The following PAPSS1 variants were observed in gnomAD, a reference collection of about 807,000 sequenced individuals.
PAPSS1 encodes the protein 3'-phosphoadenosine 5'-phosphosulfate synthase 1, also known as bifunctional 3'-phosphoadenosine 5'-phosphosulfate synthase 1.
In PAPSS1, 50 loss-of-function variants were observed where a neutral mutation model predicts 72.0. That is an observed-to-expected ratio of 0.69 (90% confidence interval 0.55 to 0.88). The LOEUF is 0.88. Ranked by LOEUF, PAPSS1 falls within the 40% of genes least tolerant of loss-of-function variation. PAPSS1 has a pLI of 0.00. For synonymous variants in PAPSS1, 261 were observed against 263.6 expected (o/e 0.99, Z 0.09); for missense variants, 657 against 782.2 (o/e 0.84, Z 1.91).
chr4:107,718,472 TCCTCCATAAAC>T (rs1322658230), intron 1 of PAPSS1: 1 of 152,072 alleles, frequency 6.6e-6, no homozygotes, highest in African/African-American at 2.4e-5. Flanking sequence ...AAATCTGAAA[TCCTCCATAAAC>T]CCTCCCAAAA....
intron 4 of PAPSS1, among the ~76,000 whole-genome samples, chr4:107,685,045 A>G (rs1013902299): frequency 6.6e-6 from 1 of 152,168 alleles, no homozygotes; most frequent in Non-Finnish European, 1.5e-5. Flanking sequence ...AGCTGGGACT[A>G]CAGGCGCCCG....
intron 3 of PAPSS1, among the ~76,000 whole-genome samples, chr4:107,693,510 A>T (rs1458104938): frequency 6.6e-6 from 1 of 152,210 alleles, no homozygotes; most frequent in Non-Finnish European, 1.5e-5. Flanking sequence ...TAATTTGGCC[A>T]TTGGCTTAAA....
intron 10 of PAPSS1, among the ~76,000 whole-genome samples, chr4:107,632,433 G>C (rs1414067571): frequency 1.3e-5 from 2 of 151,476 alleles, no homozygotes; most frequent in Non-Finnish European, 2.9e-5. Flanking sequence ...ATGACATGTA[G>C]GTACTTACAT....
chr4:107,644,788 T>C lies in PAPSS1; in HGVS notation c.1506+14A>G. 6.3e-7 allele frequency: 1 copy of C among 1,595,268 alleles called. No individual in the cohort carries two copies. Among genetic ancestry groups the C allele is most frequent in the Non-Finnish European group, 8.5e-7 (1 of 1,171,798 alleles). On this transcript the variant is annotated intron_variant, in intron 10 of 11. Coordinates refer to ENST00000265174, the MANE Select transcript of PAPSS1 (RefSeq NM_005443.5). Reference sequence around the variant, plus strand: ...TTTAACACTGCTGCAGTGAAAATCTTACAAGCAGTCTACCTCAGTTGGTCC... The same window carrying C: ...TTTAACACTGCTGCAGTGAAAATCTCACAAGCAGTCTACCTCAGTTGGTCC...
intron 10 of PAPSS1, 103 bp from the exon 11 acceptor site, chr4:107,631,963 G>A (rs1008842904): frequency 1.6e-5 from 12 of 757,952 alleles, no homozygotes; most frequent in African/African-American, 7.1e-5. Flanking sequence ...AATCATTATC[G>A]GTAGGAAATC....
intron 3 of PAPSS1, 85 bp from the exon 4 acceptor site, chr4:107,687,262 A>T: frequency 2.0e-6 from 2 of 1,025,264 alleles, no homozygotes; most frequent in Non-Finnish European, 2.7e-6. Flanking sequence ...AGTGCTTCTC[A>T]TCCAATTTAG....
At chr4:107,628,350 C>T (rs1290403969) in intron 11 of PAPSS1, among the ~76,000 whole-genome samples, 2 of 152,160 alleles carry the variant, frequency 1.3e-5, no homozygotes, top group Non-Finnish European at 2.9e-5. Flanking sequence ...CAAACTACAT[C>T]CATTTTAGAA....
At chr4:107,638,208 T>C (rs1222282185) in intron 10 of PAPSS1, among the ~76,000 whole-genome samples, 1 of 152,202 alleles carries the variant, frequency 6.6e-6, no homozygotes, top group Non-Finnish European at 1.5e-5. Flanking sequence ...TAGTTTGCAA[T>C]GCAAAAATTA....
At chr4:107,629,263 T>C (rs1486306287) in intron 11 of PAPSS1, among the ~76,000 whole-genome samples, 1 of 152,188 alleles carries the variant, frequency 6.6e-6, no homozygotes. Context: ...GCTTCAGCAA[T>C]AGTTTATGGG....
chr4:107,634,200 G>C (rs1481716043), intron 10 of PAPSS1, among the ~76,000 whole-genome samples: 1 of 151,544 alleles, frequency 6.6e-6, no homozygotes, highest in Non-Finnish European at 1.5e-5. Context: ...ATTTTTTGTA[G>C]AGACAAGGTC....
Position 107,614,321 on chromosome 4 carries a change from T to G in PAPSS1, c.1803A>C (p.Pro601=). ...MRKLAREGQK[P]PEGFMAPKAW... ...CCTTGGGAGCCATGAAACCTTCAGGTGGTTTCTGGCCTTCTCGAGCAAGTT... is the reference window on the plus strand; with the variant it reads ...CCTTGGGAGCCATGAAACCTTCAGGGGGTTTCTGGCCTTCTCGAGCAAGTT... The change falls in exon 12 of 12, where the codon CCA becomes CCC. Residue 601 remains proline (P), a synonymous_variant. Coordinates refer to ENST00000265174, the MANE Select transcript of PAPSS1 (RefSeq NM_005443.5). The G allele has an allele frequency of 6.2e-7, 1 of 1,613,862 alleles. No homozygotes were observed. The highest frequency in any genetic ancestry group is 8.5e-7 in the Non-Finnish European group (1 of 1,179,722).
At chr4:107,672,702 C>G (rs1334779197) in intron 5 of PAPSS1, among the ~76,000 whole-genome samples, 4 of 152,220 alleles carry the variant, frequency 2.6e-5, no homozygotes, top group Non-Finnish European at 5.9e-5. Flanking sequence ...CCCTGTCTGA[C>G]AGCTTTGAAG....
chr4:107,690,772 A>G (rs1722894575), intron 3 of PAPSS1, among the ~76,000 whole-genome samples: 1 of 152,190 alleles, frequency 6.6e-6, no homozygotes, highest in South Asian at 2.1e-4. Context: ...GTGCTTTTAT[A>G]GATGAGGTCA....
At chr4:107,621,896 G>T (rs905008450) in intron 11 of PAPSS1, among the ~76,000 whole-genome samples, 3 of 151,908 alleles carry the variant, frequency 2.0e-5, no homozygotes, top group Non-Finnish European at 4.4e-5. Flanking sequence ...CCAAAGTGCT[G>T]GGATTATAGG....
At chr4:107,699,454 C>T (rs1560589614) in intron 2 of PAPSS1, among the ~76,000 whole-genome samples, 2 of 152,024 alleles carry the variant, frequency 1.3e-5, no homozygotes, top group Non-Finnish European at 2.9e-5. Flanking sequence ...TAAGTGGAGA[C>T]CTGATATAAA....
chr4:107,708,191 G>C (rs1052887021), intron 1 of PAPSS1, among the ~76,000 whole-genome samples: 80 of 152,226 alleles, frequency 5.3e-4, no homozygotes, highest in African/African-American at 1.9e-3. Context: ...AAATTGTAAT[G>C]AGTCTCTAGA....
At chr4:107,701,382 C>A in intron 1 of PAPSS1, 97 bp from the exon 2 acceptor site, 1 of 743,396 alleles carries the variant, frequency 1.3e-6, no homozygotes, top group Admixed American at 2.5e-5. Context: ...TGTAACATGC[C>A]AAAAGCAAAG....
chr4:107,616,080 T>C (rs371425637), intron 11 of PAPSS1, among the ~76,000 whole-genome samples: 2 of 149,696 alleles, frequency 1.3e-5, no homozygotes, highest in South Asian at 2.1e-4. Context: ...TTTTAGAAAA[T>C]AGAGAGAGAG....
intron 1 of PAPSS1, among the ~76,000 whole-genome samples, chr4:107,701,560 C>T (rs1004557676): frequency 3.3e-5 from 5 of 152,074 alleles, no homozygotes; most frequent in Admixed American, 6.6e-5. Context: ...AATAACTTGC[C>T]GGAGATCCCA....
Sources: gnomAD v4.1 joint callset for allele counts (sites outside exome capture counted in the v4.1 genomes callset) on GRCh38, gnomAD v4.1.1 for gene constraint, MANE v1.5 for transcripts, NCBI Gene and HGNC (gene_info 2026-07-23, HGNC 2026-07-21) for gene names.